Variants in RABGAP1L observed in about 807,000 individuals in gnomAD.
RABGAP1L encodes the protein rab GTPase-activating protein 1-like.
A neutral mutation model predicts 137.7 loss-of-function variants in RABGAP1L; 63 were observed. The observed-to-expected ratio is 0.46, with a 90% CI of 0.37 to 0.56. The LOEUF is 0.56. Among genes scored for constraint, RABGAP1L ranks in the 20% least tolerant of loss-of-function variants. The pLI is 0.00. For missense variants in RABGAP1L, 1,095 were observed against 1,244.0 expected (o/e 0.88, Z 1.80); for synonymous variants, 431 against 433.7 (o/e 0.99, Z 0.08).
intron 10 of RABGAP1L, among the ~76,000 whole-genome samples, chr1:174,298,720 A>G (rs1677369551): frequency 6.6e-6 from 1 of 152,168 alleles, no homozygotes; most frequent in Non-Finnish European, 1.5e-5. Context: ...AACTGGTGCT[A>G]AGATCTGGGT....
chr1:174,498,592 G>C (rs2149370106), intron 13 of RABGAP1L, among the ~76,000 whole-genome samples: 1 of 151,906 alleles, frequency 6.6e-6, no homozygotes, highest in South Asian at 2.1e-4. Context: ...TGCCTCCTGG[G>C]TTCAGATAAT....
At position 174,611,196 on chromosome 1, in the gene RABGAP1L, A is replaced by G. The variant is rs1405282824; in HGVS notation, c.1711-26179A>G. Among the ~76,000 whole-genome samples the G allele has an allele frequency of 7.5e-5, 11 of 146,070 alleles. No homozygotes were observed. The East Asian group carries it at 1.4e-3, about 19-fold the overall frequency. On this transcript the variant is annotated intron_variant, in intron 13 of 25. Coordinates refer to ENST00000681986, the MANE Select transcript of RABGAP1L (RefSeq NM_001366446.1). ...GGGTTTTTATGGTTTTAGGTCTAAC[A>G]TTTAAGTCTTTTATCCATCTTGAAT...
At chr1:174,533,418 T>C (rs1664610056) in intron 13 of RABGAP1L, among the ~76,000 whole-genome samples, 1 of 152,198 alleles carries the variant, frequency 6.6e-6, no homozygotes, top group South Asian at 2.1e-4. Context: ...GCAGGTCTGC[T>C]TACATGCAGA....
chr1:174,917,558 C>T (rs1661065091), intron 19 of RABGAP1L, among the ~76,000 whole-genome samples: 1 of 152,058 alleles, frequency 6.6e-6, no homozygotes, highest in Admixed American at 6.6e-5. Flanking sequence ...TTTAATTTTC[C>T]AAACACAATC....
chr1:174,191,262 A>T (rs1301603735), intron 1 of RABGAP1L, among the ~76,000 whole-genome samples: 1 of 152,252 alleles, frequency 6.6e-6, no homozygotes, highest in Non-Finnish European at 1.5e-5. Flanking sequence ...ATATAGAAAT[A>T]TTTGAATTAC....
intron 13 of RABGAP1L, among the ~76,000 whole-genome samples, chr1:174,634,832 A>G (rs1217112197): frequency 1.4e-5 from 2 of 142,874 alleles, no homozygotes; most frequent in African/African-American, 2.7e-5. Context: ...GAATTGAACA[A>G]TGAGATCACA....
chr1:174,940,054 T>C (rs2149288107), intron 19 of RABGAP1L, among the ~76,000 whole-genome samples: 1 of 152,294 alleles, frequency 6.6e-6, no homozygotes, highest in East Asian at 1.9e-4. Context: ...CCAATGGAGT[T>C]TGGAAAATTC....
At chr1:174,794,653 T>C (rs1688109442) in intron 18 of RABGAP1L, among the ~76,000 whole-genome samples, 1 of 152,180 alleles carries the variant, frequency 6.6e-6, no homozygotes, top group African/African-American at 2.4e-5. Flanking sequence ...TTAATTATCA[T>C]TACTCTTGGA....
chr1:174,542,858 A>C (rs1406924289), intron 13 of RABGAP1L, among the ~76,000 whole-genome samples: 1 of 152,224 alleles, frequency 6.6e-6, no homozygotes, highest in Non-Finnish European at 1.5e-5. Context: ...TGTACCTGGT[A>C]GTCATTCAGG....
intron 17 of RABGAP1L, among the ~76,000 whole-genome samples, chr1:174,706,730 G>T (rs998647320): frequency 6.6e-6 from 1 of 152,124 alleles, no homozygotes; most frequent in African/African-American, 2.4e-5. Context: ...CCCCTTCACT[G>T]CCCTTTTCCA....
intron 11 of RABGAP1L, among the ~76,000 whole-genome samples, chr1:174,349,081 C>T (rs546221539): frequency 0.011 from 1,495 of 141,168 alleles, 8 homozygotes; most frequent in African/African-American, 0.028. Flanking sequence ...CCCTCCAAGA[C>T]GGGGCGGCTG....
chr1:174,929,150 C>A (rs1663304763), intron 19 of RABGAP1L, among the ~76,000 whole-genome samples: 1 of 151,946 alleles, frequency 6.6e-6, no homozygotes. Flanking sequence ...ACCAACATGG[C>A]AAATGTATAC....
chr1:174,458,031 T>C (rs980336455), intron 13 of RABGAP1L, among the ~76,000 whole-genome samples: 1 of 152,188 alleles, frequency 6.6e-6, no homozygotes, highest in African/African-American at 2.4e-5. Flanking sequence ...TTCTTAATTC[T>C]GTGTAAGATA....
At chr1:174,465,881 T>A (rs1192493811) in intron 13 of RABGAP1L, among the ~76,000 whole-genome samples, 1 of 152,216 alleles carries the variant, frequency 6.6e-6, no homozygotes, top group Admixed American at 6.5e-5. Context: ...GTATGGAGCT[T>A]CTTAGTTATG....
At chr1:174,915,912 G>C (rs989435355) in intron 19 of RABGAP1L, among the ~76,000 whole-genome samples, 2 of 152,008 alleles carry the variant, frequency 1.3e-5, no homozygotes, top group Admixed American at 6.6e-5. Flanking sequence ...GAAAAGCAAA[G>C]GTTTTAATAA....
chr1:174,305,138 G>A lies in RABGAP1L; in HGVS notation c.1465+11G>A, dbSNP rs1678083092. 2 of 1,517,724 alleles carry A rather than the reference G, an allele frequency of 1.3e-6. No individual in the cohort carries two copies. The highest frequency in any genetic ancestry group is 2.6e-5 in the Admixed American group (1 of 38,236). The allele number at this position is 1,517,724 out of a possible 1,614,324, so 94.0% of individuals were successfully genotyped here. A position where few individuals can be genotyped will look rare whatever the true frequency, so the allele number is the denominator to read the frequency against. On this transcript the variant is annotated intron_variant, in intron 11 of 25. Coordinates refer to ENST00000681986, the MANE Select transcript of RABGAP1L (RefSeq NM_001366446.1). Reference sequence around the variant, plus strand: ...ATGAAGCAGAAGAGGGTAAGAAGTTGGACTTACTCAGTTTATTCTGTCTGT... The same window carrying A: ...ATGAAGCAGAAGAGGGTAAGAAGTTAGACTTACTCAGTTTATTCTGTCTGT...
At chr1:174,675,294 G>T (rs982759923) in intron 14 of RABGAP1L, among the ~76,000 whole-genome samples, 7 of 151,298 alleles carry the variant, frequency 4.6e-5, no homozygotes, top group South Asian at 2.1e-4. Flanking sequence ...TCCAGTTTCA[G>T]CTTTCTGCAT....
intron 17 of RABGAP1L, among the ~76,000 whole-genome samples, chr1:174,727,133 C>T (rs527929830): frequency 3.3e-4 from 50 of 152,258 alleles, no homozygotes; most frequent in African/African-American, 1.1e-3. Context: ...ATATCAATTT[C>T]TTAAGGTTTT....
In RABGAP1L at chr1:174,759,713, C is replaced by T. The variant is rs551731790; in HGVS notation, c.2211+7359C>T. The stretch of plus-strand genomic sequence containing the variant: ...GGCCTCAGGAAGCTTACAATCATGG[C>T]AGAAAGCAAGGGGAGCTGTATATCA... On this transcript the variant is annotated intron_variant, in intron 18 of 25. Coordinates refer to ENST00000681986, the MANE Select transcript of RABGAP1L (RefSeq NM_001366446.1). Among the ~76,000 whole-genome samples the T allele has an allele frequency of 1.0e-3, 155 of 152,226 alleles. 1 individual carries two copies. Among genetic ancestry groups the T allele is most frequent in the African/African-American group, 3.6e-3 (150 of 41,532 alleles).
Sources: allele counts gnomAD v4.1 joint callset (sites outside exome capture counted in the v4.1 genomes callset), GRCh38; gene constraint gnomAD v4.1.1; transcripts MANE v1.5; gene names NCBI Gene and HGNC (gene_info 2026-07-23, HGNC 2026-07-21).